Variants in NIPBL observed in about 807,000 individuals in gnomAD.
The protein encoded by NIPBL is NIPBL cohesin loading factor.
NIPBL carries 19 observed loss-of-function variants against 321.8 expected under a neutral mutation model. The ratio of observed to expected loss-of-function variants is 0.06; its 90% CI spans 0.04 to 0.09. The LOEUF (loss-of-function observed/expected upper bound fraction) is 0.09, where lower values mean the gene tolerates loss of function less well. Among genes scored for constraint, NIPBL ranks in the 10% least tolerant of loss-of-function variants. The probability of loss-of-function intolerance (pLI) is 1.00; values close to 1 mark genes in which losing one functional copy is unlikely to be tolerated. For synonymous variants in NIPBL, 1,106 were observed against 1,114.1 expected (o/e 0.99, Z 0.14); for missense variants, 2,210 against 3,327.0 (o/e 0.66, Z 8.26).
At chr5:36,944,861 AAATT>A (rs1199967538) in intron 1 of NIPBL, among the ~76,000 whole-genome samples, 2 of 152,172 alleles carry the variant, frequency 1.3e-5, no homozygotes, top group African/African-American at 2.4e-5. Context: ...ATTGCAGACT[AAATT>A]AATTGTATAT....
At chr5:37,038,799 G>A in intron 34 of NIPBL, 61 bp downstream of exon 34, 1 of 1,537,562 alleles carries the variant, frequency 6.5e-7, no homozygotes, top group African/African-American at 1.4e-5. Context: ...TTTAAATTTA[G>A]AGTTCACATG....
chr5:36,933,925 G>T (rs1236176833), intron 1 of NIPBL, among the ~76,000 whole-genome samples: 3 of 151,778 alleles, frequency 2.0e-5, no homozygotes, highest in South Asian at 2.1e-4. Context: ...GTATGGGGGG[G>T]TGGGCAGTTT....
intron 24 of NIPBL, among the ~76,000 whole-genome samples, chr5:37,018,887 G>C (rs576909984): frequency 6.6e-6 from 1 of 152,170 alleles, no homozygotes; most frequent in South Asian, 2.1e-4. Flanking sequence ...TGGATTATTT[G>C]AGGTCAGGAG....
intron 1 of NIPBL, among the ~76,000 whole-genome samples, chr5:36,909,975 CT>C (rs1027705310): frequency 6.6e-6 from 1 of 151,800 alleles, no homozygotes; most frequent in African/African-American, 2.4e-5. Context: ...ACTCGGGAGG[CT>C]GAGGCAGGAG....
At chr5:36,894,479 A>G (rs1385909349) in intron 1 of NIPBL, among the ~76,000 whole-genome samples, 1 of 152,210 alleles carries the variant, frequency 6.6e-6, no homozygotes, top group African/African-American at 2.4e-5. Flanking sequence ...ACATATATAC[A>G]TATAATATAT....
chr5:37,048,966 C>CAG, intron 39 of NIPBL, 145 bp from the exon 40 acceptor site: 1 of 815,134 alleles, frequency 1.2e-6, no homozygotes, highest in Middle Eastern at 3.4e-4. Flanking sequence ...CACACACACA[C>CAG]ACACTCACAC....
At chr5:36,946,753 A>C (rs1468702457) in intron 1 of NIPBL, among the ~76,000 whole-genome samples, 1 of 152,132 alleles carries the variant, frequency 6.6e-6, no homozygotes, top group Non-Finnish European at 1.5e-5. Flanking sequence ...AATATAGTTT[A>C]AAGAATACTG....
Position 37,065,181 on chromosome 5 carries a change from A to G in NIPBL, c.*289A>G. Reference sequence around the variant, plus strand: ...TCTGTTTAAAAAAAATAAACAAGTGAATGTTGGAAATTAGTCTGTTAATGT... The same window carrying G: ...TCTGTTTAAAAAAAATAAACAAGTGGATGTTGGAAATTAGTCTGTTAATGT... On this transcript the variant is annotated 3_prime_UTR_variant, in exon 47 of 47. Transcript: ENST00000282516. 1 of 425,268 alleles carries G rather than the reference A, an allele frequency of 2.4e-6. No individual in the cohort carries two copies. Among genetic ancestry groups the G allele is most frequent in the Non-Finnish European group, 4.3e-6 (1 of 233,008 alleles). 26.3% of individuals were successfully genotyped at this position (425,268 alleles called of 1,614,324 possible).
chr5:36,952,018 CTG>C lies in NIPBL; in HGVS notation c.-79-1565_-79-1564del, dbSNP rs60067315. Among the ~76,000 whole-genome samples the C allele has an allele frequency of 3.1e-3, 317 of 101,936 alleles. 1 individual carries two copies. The highest frequency in any genetic ancestry group is 0.015 in the East Asian group (38 of 2,584). The allele number at this position is 101,936 out of a possible 152,430, so 66.9% of individuals were successfully genotyped here. ...ATGCTTACTTTATAACTCTGTTAAA[CTG>C]TGTGTGTGTGTGTGTGTGTGTGTGT... On this transcript the variant is annotated intron_variant, in intron 1 of 46. Transcript: ENST00000282516.
chr5:36,924,840 T>G (rs1465187477), intron 1 of NIPBL, among the ~76,000 whole-genome samples: 1 of 152,202 alleles, frequency 6.6e-6, no homozygotes, highest in Non-Finnish European at 1.5e-5. Context: ...ACGTTTCCAT[T>G]TTGCTTTTAT....
At position 37,010,708 on chromosome 5, in the gene NIPBL, A is replaced by G. The variant is rs574660235; in HGVS notation, c.4560+483A>G. ...GTTGAGTTCTGGTTCTGTTGTATCTATCAGTCATAAAACATATAAATCATT... is the reference window on the plus strand; with the variant it reads ...GTTGAGTTCTGGTTCTGTTGTATCTGTCAGTCATAAAACATATAAATCATT... On this transcript the variant is annotated intron_variant, in intron 21 of 46. Transcript: ENST00000282516. Among the ~76,000 whole-genome samples the G allele has an allele frequency of 4.6e-5, 7 of 152,304 alleles. No homozygotes were observed. In the East Asian group the frequency reaches 7.7e-4, roughly 17 times the overall value.
chr5:37,065,066 G>A lies in NIPBL; in HGVS notation c.*174G>A. Reference sequence around the variant, plus strand: ...CATTTTTGTGGGAGCTCCCTTCGCTGTTGTGCAGCAGAAACAGATTCTCAG... The same window carrying A: ...CATTTTTGTGGGAGCTCCCTTCGCTATTGTGCAGCAGAAACAGATTCTCAG... On this transcript the variant is annotated 3_prime_UTR_variant, in exon 47 of 47. Transcript: ENST00000282516. The A allele has an allele frequency of 1.4e-6, 1 of 694,646 alleles. No homozygotes were observed. The highest frequency in any genetic ancestry group is 2.4e-6 in the Non-Finnish European group (1 of 411,806). The allele number at this position is 694,646 out of a possible 1,614,324, so 43.0% of individuals were successfully genotyped here.
chr5:37,052,689 T>C, intron 42 of NIPBL, 123 bp downstream of exon 42: 1 of 756,156 alleles, frequency 1.3e-6, no homozygotes, highest in Non-Finnish European at 2.2e-6. Context: ...AAGTGTTTTC[T>C]TAATCTTCTA....
intron 10 of NIPBL, among the ~76,000 whole-genome samples, chr5:36,990,792 A>G (rs545727299): frequency 1.3e-5 from 2 of 152,166 alleles, no homozygotes; most frequent in Non-Finnish European, 2.9e-5. Context: ...TATAAAAACT[A>G]AAGTTTGCTG....
Position 37,000,980 on chromosome 5 carries a change from C to T in NIPBL, c.3575-9C>T. 2 of 1,605,414 alleles carry T rather than the reference C, an allele frequency of 1.2e-6. No homozygotes were observed. Among genetic ancestry groups the T allele is most frequent in the Non-Finnish European group, 1.7e-6 (2 of 1,172,522 alleles). On this transcript the variant is annotated splice_polypyrimidine_tract_variant and intron_variant, in intron 13 of 46. Transcript: ENST00000282516. ...GTGAGAATAATGAATATATTTTTCTCTCTTGCAGAAATGATGGACTCTTCA... is the reference window on the plus strand; with the variant it reads ...GTGAGAATAATGAATATATTTTTCTTTCTTGCAGAAATGATGGACTCTTCA...
chr5:36,906,732 A>T (rs564899668), intron 1 of NIPBL, among the ~76,000 whole-genome samples: 1 of 152,172 alleles, frequency 6.6e-6, no homozygotes, highest in East Asian at 1.9e-4. Flanking sequence ...AGAAGATATA[A>T]TTAATACTTG....
chr5:36,910,338 A>G (rs1747951971), intron 1 of NIPBL, among the ~76,000 whole-genome samples: 1 of 151,944 alleles, frequency 6.6e-6, no homozygotes, highest in African/African-American at 2.4e-5. Context: ...TTCCTCTTGA[A>G]TCCCTACCCA....
At chr5:36,994,096 C>A (rs921670356) in intron 10 of NIPBL, among the ~76,000 whole-genome samples, 1 of 152,144 alleles carries the variant, frequency 6.6e-6, no homozygotes, top group Non-Finnish European at 1.5e-5. Context: ...AAGTTGACTT[C>A]TTTTACTTCT....
At chr5:37,041,870 A>AT (rs70976272) in intron 34 of NIPBL, among the ~76,000 whole-genome samples, 31,407 of 145,430 alleles carry the variant, frequency 0.22, 4,562 homozygotes, top group African/African-American at 0.41. Flanking sequence ...CAGCCACTAC[A>AT]TTTTTTTTTT....
Sources: gnomAD v4.1 joint callset for allele counts (sites outside exome capture counted in the v4.1 genomes callset) on GRCh38, gnomAD v4.1.1 for gene constraint, MANE v1.5 for transcripts, NCBI Gene and HGNC (gene_info 2026-07-23, HGNC 2026-07-21) for gene names.